SLC28A1: variants seen among roughly 807,000 people sequenced by gnomAD.
SLC28A1 encodes the protein solute carrier family 28 member 1, also known as sodium/nucleoside cotransporter 1.
A neutral mutation model predicts 74.8 loss-of-function variants in SLC28A1; 64 were observed. The ratio of observed to expected loss-of-function variants is 0.86; its 90% CI spans 0.70 to 1.05. SLC28A1 has a LOEUF of 1.05. Among genes scored for constraint, SLC28A1 ranks in the 50% least tolerant of loss-of-function variants. SLC28A1 has a pLI of 0.00. For synonymous variants in SLC28A1, 359 were observed against 335.0 expected (o/e 1.07, Z -0.78); for missense variants, 828 against 822.8 (o/e 1.01, Z -0.08).
chr15:84,944,590 G>A lies in SLC28A1; in HGVS notation c.1688G>A (p.Ser563Asn). 5 of 1,613,978 alleles carry A rather than the reference G, an allele frequency of 3.1e-6. No homozygotes were observed. The South Asian group carries it at 5.5e-5, about 18-fold the overall frequency. The stretch of plus-strand genomic sequence containing the variant: ...GCCTCCATGGTCCCCCAACGGAAGA[G>A]CGACTTCTCCCAGATAGTGCTCCGG... ...GLTSMVPQRKSDFSQIVLRAL... is the reference protein window; with the variant it reads ...GLTSMVPQRKNDFSQIVLRAL... Residue 563 changes from serine to asparagine, a missense_variant, in exon 17 of 19, where the codon AGC becomes AAC. By Grantham distance (46) the Ser-to-Asn change is conservative (BLOSUM62 1). Coordinates refer to ENST00000394573, the MANE Select transcript of SLC28A1 (RefSeq NM_004213.5).
At position 84,944,779 on chromosome 15, in the gene SLC28A1, G is replaced by A; in HGVS notation, c.1786G>A (p.Ala596Thr). The A allele has an allele frequency of 1.2e-6, 2 of 1,613,966 alleles. No homozygotes were observed. Among genetic ancestry groups the A allele is most frequent in the Non-Finnish European group, 1.7e-6 (2 of 1,179,848 alleles). Reference protein sequence around the residue: ...MAGILYMPRGAEVDCMSLLNT... With the variant: ...MAGILYMPRGTEVDCMSLLNT... ...AGGGATCCTCTACATGCCCAGGGGGGCTGAAGTTGACTGCATGTCCCTCTT... is the reference window on the plus strand; with the variant it reads ...AGGGATCCTCTACATGCCCAGGGGGACTGAAGTTGACTGCATGTCCCTCTT... Residue 596 changes from alanine (A) to threonine (T), a missense_variant, in exon 18 of 19, where the codon GCT becomes ACT. This residue lies in a region of SLC28A1 where 767 missense variants were observed against 753.5 expected (regional missense o/e 1.02). Transcript: ENST00000394573.
At chr15:84,973,693 T>C in the SLC28A1 span, among the ~76,000 whole-genome samples, 2 of 152,328 alleles carry the variant, frequency 1.3e-5, no homozygotes, top group South Asian at 2.1e-4. Context: ...CTCATCATCT[T>C]GTAATTATAC....
intron 8 of SLC28A1, among the ~76,000 whole-genome samples, chr15:84,908,422 G>T (rs1967593896): frequency 6.6e-6 from 1 of 152,088 alleles, no homozygotes; most frequent in Non-Finnish European, 1.5e-5. Context: ...GACCTCAGGT[G>T]ATCCGCCTGC....
Position 84,943,541 on chromosome 15 carries a change from GGC to G in SLC28A1, c.1663+16_1663+17del. On this transcript the variant is annotated intron_variant, in intron 16 of 18. Coordinates refer to ENST00000394573, the MANE Select transcript of SLC28A1 (RefSeq NM_004213.5). ...GGGAGGCTTGAGTGAGTCTAATCAG[GGC>G]CTCACCAGTGTCTAGGAGAGTCTGG... is the stretch of plus-strand genomic sequence containing the variant. The G allele has an allele frequency of 6.3e-7, 1 of 1,595,988 alleles. No individual in the cohort carries two copies. The highest frequency in any genetic ancestry group is 1.7e-5 in the Admixed American group (1 of 59,986).
At chr15:84,908,360 T>G (rs1967582551) in intron 8 of SLC28A1, among the ~76,000 whole-genome samples, 1 of 151,890 alleles carries the variant, frequency 6.6e-6, no homozygotes. Flanking sequence ...ATTTTTGTAT[T>G]TTTAGCAGAT....
chr15:84,925,293 T>TGTCAGCATTGTCA (rs1225894998), intron 12 of SLC28A1, among the ~76,000 whole-genome samples: 1 of 151,946 alleles, frequency 6.6e-6, no homozygotes, highest in Non-Finnish European at 1.5e-5. Flanking sequence ...CAGCATCACC[T>TGTCAGCATTGTCA]GCGAACTTGT....
At chr15:84,943,698 G>C (rs1408770271) in intron 16 of SLC28A1, among the ~76,000 whole-genome samples, 172 bp downstream of exon 16, 1 of 152,170 alleles carries the variant, frequency 6.6e-6, no homozygotes. Flanking sequence ...GGAGGCCCAG[G>C]TGGGTGGATC....
chr15:84,911,506 G>T (rs905145938), intron 9 of SLC28A1, among the ~76,000 whole-genome samples: 1 of 152,048 alleles, frequency 6.6e-6, no homozygotes, highest in Admixed American at 6.6e-5. Flanking sequence ...AGAAATCAAC[G>T]GCCTCATGTC....
intron 15 of SLC28A1, 101 bp from the exon 16 acceptor site, chr15:84,943,344 T>C (rs1416932466): frequency 2.4e-6 from 2 of 816,802 alleles, no homozygotes; most frequent in East Asian, 4.9e-5. Context: ...CAATTACATG[T>C]AAGAAGTGGG....
chr15:84,887,592 C>G, intron 2 of SLC28A1, 153 bp from the exon 3 acceptor site: 5 of 985,324 alleles, frequency 5.1e-6, no homozygotes, highest in Non-Finnish European at 6.0e-6. Context: ...GAGGGGTGAG[C>G]TCTGGGATGG....
intron 6 of SLC28A1, among the ~76,000 whole-genome samples, chr15:84,902,511 C>A (rs1966785059): frequency 6.6e-6 from 1 of 150,568 alleles, no homozygotes; most frequent in Non-Finnish European, 1.5e-5. Flanking sequence ...AATCTAGTGG[C>A]AGAAAACATA....
chr15:84,908,178 CTTTTT>C (rs71135328), intron 8 of SLC28A1, among the ~76,000 whole-genome samples: 70 of 91,334 alleles, frequency 7.7e-4, no homozygotes, highest in African/African-American at 2.1e-3. Flanking sequence ...CAGAGCATTT[CTTTTT>C]TTTTTTTTTT....
the SLC28A1 span, among the ~76,000 whole-genome samples, chr15:84,952,642 T>A: frequency 6.6e-6 from 1 of 152,182 alleles, no homozygotes; most frequent in Non-Finnish European, 1.5e-5. Context: ...TCCCAGCACT[T>A]TGGGAGGCCG....
intron 6 of SLC28A1, among the ~76,000 whole-genome samples, chr15:84,896,992 G>A (rs1290216950): frequency 6.6e-6 from 1 of 152,182 alleles, no homozygotes; most frequent in African/African-American, 2.4e-5. Flanking sequence ...GTGACCACCA[G>A]TGGTTTGGGG....
In SLC28A1 at chr15:84,884,741, C is replaced by T; in HGVS notation, c.-143C>T. 1.0e-6 allele frequency: 1 copy of T among 985,508 alleles called. No individual in the cohort carries two copies. The highest frequency in any genetic ancestry group is 1.2e-6 in the Non-Finnish European group (1 of 829,996). The allele number at this position is 985,508 out of a possible 1,614,324, so 61.0% of individuals were successfully genotyped here. ...TTCCTGGCTTCCCTCTGGATGCTGA[C>T]AGAAACAAGGGTGAGAGAAAAGGAC... On this transcript the variant is annotated 5_prime_UTR_variant, in exon 1 of 19. Transcript: ENST00000394573.
rs756020138 is a variant in SLC28A1, at chr15:84,927,495, C to A, written c.1083+3385C>A. On this transcript the variant is annotated intron_variant, in intron 12 of 18. Transcript: ENST00000394573. Reference sequence around the variant, plus strand: ...CCTGTCTGTGTAGACTCTTCTTGGGCTCTCTGAGCATTTTTTCCTTCTGGG... The same window carrying A: ...CCTGTCTGTGTAGACTCTTCTTGGGATCTCTGAGCATTTTTTCCTTCTGGG... Among the ~76,000 whole-genome samples the A allele has an allele frequency of 1.3e-4, 19 of 151,942 alleles. 1 individual carries two copies. The highest frequency in any genetic ancestry group is 5.9e-5 in the Non-Finnish European group (4 of 67,982).
At chr15:84,894,696 G>A (rs116990358) in intron 5 of SLC28A1, among the ~76,000 whole-genome samples, 231 of 152,258 alleles carry the variant, frequency 1.5e-3, no homozygotes, top group Non-Finnish European at 2.7e-3. Context: ...CCTCACATTT[G>A]GTAAGCACTT....
At chr15:84,895,757 G>GA (rs887235941) in intron 6 of SLC28A1, 4 of 1,236,960 alleles carry the variant, frequency 3.2e-6, no homozygotes, top group Admixed American at 3.7e-5. Context: ...AATTCGCTGG[G>GA]GGAAAAAAAC....
chr15:84,911,124 G>T (rs1236359337), intron 9 of SLC28A1, among the ~76,000 whole-genome samples: 2 of 152,248 alleles, frequency 1.3e-5, no homozygotes, highest in Non-Finnish European at 2.9e-5. Context: ...GTCCGCCAGA[G>T]CGCCTTCCCC....
Sources: allele counts gnomAD v4.1 joint callset (sites outside exome capture counted in the v4.1 genomes callset), GRCh38; gene constraint gnomAD v4.1.1; regional missense constraint gnomAD v4.1.1; transcripts MANE v1.5; gene names NCBI Gene and HGNC (gene_info 2026-07-23, HGNC 2026-07-21).